Variants in GRIK2 observed in about 807,000 individuals in gnomAD.
The protein encoded by GRIK2 is glutamate ionotropic receptor kainate type subunit 2.
In GRIK2, 32 loss-of-function variants were observed where a neutral mutation model predicts 100.3. The observed-to-expected ratio is 0.32, with a 90% CI of 0.24 to 0.43. The LOEUF (loss-of-function observed/expected upper bound fraction) is 0.43. Ranked by LOEUF, GRIK2 falls within the 20% of genes least tolerant of loss-of-function variation. The probability of loss-of-function intolerance (pLI) is 1.00; values close to 1 mark genes in which losing one functional copy is unlikely to be tolerated. For missense variants in GRIK2, 843 were observed against 1,114.9 expected (o/e 0.76, Z 3.47); for synonymous variants, 417 against 389.4 (o/e 1.07, Z -0.83).
intron 14 of GRIK2, among the ~76,000 whole-genome samples, chr6:101,973,039 C>G (rs1193406609): frequency 6.6e-6 from 1 of 151,586 alleles, no homozygotes; most frequent in Non-Finnish European, 1.5e-5. Flanking sequence ...GCTCCAAAAT[C>G]TAATACACTT....
At chr6:101,424,753 T>C (rs1776615870) in intron 2 of GRIK2, among the ~76,000 whole-genome samples, 1 of 151,258 alleles carries the variant, frequency 6.6e-6, no homozygotes, top group Admixed American at 6.6e-5. Context: ...AGTGTGATGT[T>C]CCCCTTCCTG....
chr6:101,421,764 A>C (rs1776425519), intron 2 of GRIK2, among the ~76,000 whole-genome samples: 1 of 152,210 alleles, frequency 6.6e-6, no homozygotes, highest in Non-Finnish European at 1.5e-5. Context: ...AAGTTTCCAA[A>C]GAAAAGGGAA....
chr6:101,703,222 G>T (rs922996600), intron 7 of GRIK2, among the ~76,000 whole-genome samples: 4 of 151,938 alleles, frequency 2.6e-5, no homozygotes, highest in African/African-American at 9.6e-5. Flanking sequence ...CTAAGAAACT[G>T]GTTAAGATTA....
chr6:101,637,666 A>T (rs1202921124), intron 4 of GRIK2, among the ~76,000 whole-genome samples: 1 of 152,150 alleles, frequency 6.6e-6, no homozygotes, highest in East Asian at 1.9e-4. Flanking sequence ...TCCCAAGCTT[A>T]AAGCTGTTCA....
chr6:101,953,674 G>A (rs1791737323), intron 14 of GRIK2, among the ~76,000 whole-genome samples: 1 of 152,064 alleles, frequency 6.6e-6, no homozygotes, highest in Non-Finnish European at 1.5e-5. Context: ...TCAGAAATAT[G>A]ATTTGCAAAA....
chr6:101,491,278 A>G (rs1773092164), intron 2 of GRIK2, among the ~76,000 whole-genome samples: 1 of 150,486 alleles, frequency 6.6e-6, no homozygotes, highest in African/African-American at 2.5e-5. Context: ...AAAAAAGAAA[A>G]AAAAAAAAAA....
chr6:102,036,401 G>A (rs1041181173), intron 15 of GRIK2, among the ~76,000 whole-genome samples: 1 of 151,330 alleles, frequency 6.6e-6, no homozygotes, highest in Non-Finnish European at 1.5e-5. Flanking sequence ...CATATGCTTT[G>A]AATATGTATC....
rs148519189 is a variant in GRIK2 at position 101,776,021 on chromosome 6, G to A, written c.952-23627G>A. The stretch of plus-strand genomic sequence containing the variant: ...AAACATAAGTCATAAGCAGATTTGT[G>A]TTTTCACTGTGTAAGAGGAGGCAAA... On this transcript the variant is annotated intron_variant, in intron 7 of 16. Coordinates refer to ENST00000369134, the MANE Select transcript of GRIK2 (RefSeq NM_021956.5). Among the ~76,000 whole-genome samples the A allele has an allele frequency of 5.3e-5, 8 of 152,264 alleles. 1 individual carries two copies. The East Asian group carries it at 1.4e-3, about 26-fold the overall frequency.
chr6:101,464,693 T>A (rs1173795917), intron 2 of GRIK2, among the ~76,000 whole-genome samples: 1 of 151,782 alleles, frequency 6.6e-6, no homozygotes, highest in Non-Finnish European at 1.5e-5. Context: ...ATTTTGTTTT[T>A]GTATTTTTAG....
At chr6:101,950,190 G>A (rs1291698472) in intron 14 of GRIK2, among the ~76,000 whole-genome samples, 4 of 151,986 alleles carry the variant, frequency 2.6e-5, no homozygotes, top group African/African-American at 9.7e-5. Flanking sequence ...TACAAAATGT[G>A]TTTCCATTTT....
chr6:101,861,362 T>C (rs913005864), intron 11 of GRIK2, among the ~76,000 whole-genome samples: 3 of 152,214 alleles, frequency 2.0e-5, no homozygotes, highest in African/African-American at 7.2e-5. Context: ...GTAGGGACTA[T>C]AGCACTATAA....
intron 2 of GRIK2, among the ~76,000 whole-genome samples, chr6:101,584,548 T>A (rs1778259948): frequency 6.6e-6 from 1 of 152,042 alleles, no homozygotes; most frequent in Non-Finnish European, 1.5e-5. Flanking sequence ...TATAGGACTA[T>A]TTGAGGAACA....
chr6:101,592,585 TCA>T (rs1491330639), intron 2 of GRIK2, among the ~76,000 whole-genome samples: 85 of 63,078 alleles, frequency 1.3e-3, no homozygotes, highest in African/African-American at 3.2e-3. Flanking sequence ...ATTACTAATA[TCA>T]CATATATATA....
At chr6:101,408,587 A>C (rs1775713862) in intron 2 of GRIK2, among the ~76,000 whole-genome samples, 1 of 152,098 alleles carries the variant, frequency 6.6e-6, no homozygotes, top group South Asian at 2.1e-4. Context: ...ATGAAGAAAA[A>C]AAGAAAAAGA....
In GRIK2 at chr6:101,893,149, C is replaced by G. The variant is rs190762683; in HGVS notation, c.1748+3286C>G. ...GCTTCCTTTAGCATTTTTATTTTAC[C>G]TATCGAAAAAATTATGTCTTATGTC... is the stretch of plus-strand genomic sequence containing the variant. On this transcript the variant is annotated intron_variant, in intron 12 of 16. Coordinates refer to ENST00000369134, the MANE Select transcript of GRIK2 (RefSeq NM_021956.5). Among the ~76,000 whole-genome samples the G allele has an allele frequency of 3.1e-3, 475 of 151,002 alleles. 9 individuals are homozygous for G. Among genetic ancestry groups the G allele is most frequent in the Admixed American group, 0.03 (447 of 15,138 alleles).
At chr6:101,786,263 T>TCC (rs1779417605) in intron 7 of GRIK2, among the ~76,000 whole-genome samples, 1 of 82,266 alleles carries the variant, frequency 1.2e-5, no homozygotes, top group African/African-American at 8.3e-5. Context: ...ACAATTTGAC[T>TCC]TTTTTTTTTT....
intron 7 of GRIK2, among the ~76,000 whole-genome samples, chr6:101,701,850 TA>T (rs1352094457): frequency 6.6e-6 from 1 of 152,070 alleles, no homozygotes; most frequent in Admixed American, 6.6e-5. Flanking sequence ...TTCCATTTAT[TA>T]ACATACCAAG....
chr6:101,476,072 T>C (rs1024508253), intron 2 of GRIK2, among the ~76,000 whole-genome samples: 33 of 152,260 alleles, frequency 2.2e-4, no homozygotes, highest in Non-Finnish European at 4.1e-4. Flanking sequence ...TAGTGAGGCA[T>C]TGACAAATTT....
At chr6:101,896,313 T>A (rs757361006) in intron 12 of GRIK2, among the ~76,000 whole-genome samples, 1 of 151,782 alleles carries the variant, frequency 6.6e-6, no homozygotes, top group Non-Finnish European at 1.5e-5. Flanking sequence ...GATAATTTAA[T>A]CTTCAGAGGA....
Sources: gnomAD v4.1 joint callset for allele counts (sites outside exome capture counted in the v4.1 genomes callset) on GRCh38, gnomAD v4.1.1 for gene constraint, MANE v1.5 for transcripts, NCBI Gene and HGNC (gene_info 2026-07-23, HGNC 2026-07-21) for gene names.